Variants in BMPR1B observed in about 807,000 individuals in gnomAD.
The protein encoded by BMPR1B is bone morphogenetic protein receptor type-1B.
Under a neutral mutation model 59.1 loss-of-function variants are expected in BMPR1B, and 12 were observed. The ratio of observed to expected loss-of-function variants is 0.20; its 90% confidence interval spans 0.13 to 0.33. BMPR1B has a LOEUF of 0.33. Among genes scored for constraint, BMPR1B ranks in the 10% least tolerant of loss-of-function variants. BMPR1B has a pLI of 1.00. For synonymous variants in BMPR1B, 237 were observed against 207.3 expected (o/e 1.14, Z -1.23); for missense variants, 550 against 610.9 (o/e 0.90, Z 1.05).
intron 2 of BMPR1B, among the ~76,000 whole-genome samples, chr4:94,900,477 T>A (rs1727768843): frequency 6.6e-6 from 1 of 152,028 alleles, no homozygotes; most frequent in Non-Finnish European, 1.5e-5. Context: ...ACAAATATGA[T>A]GATGACTTCA....
chr4:95,056,853 A>G (rs1173758488), intron 3 of BMPR1B, among the ~76,000 whole-genome samples: 1 of 152,130 alleles, frequency 6.6e-6, no homozygotes, highest in Non-Finnish European at 1.5e-5. Context: ...CTTCACATAT[A>G]CTGTTTTCAC....
intron 2 of BMPR1B, among the ~76,000 whole-genome samples, chr4:94,989,400 A>G (rs1392668001): frequency 6.6e-6 from 1 of 151,710 alleles, no homozygotes; most frequent in East Asian, 1.9e-4. Context: ...AAAAAAAAAA[A>G]AAACAAAAAA....
At chr4:95,088,854 C>CT (rs1729778411) in intron 3 of BMPR1B, among the ~76,000 whole-genome samples, 4 of 151,756 alleles carry the variant, frequency 2.6e-5, no homozygotes, top group Admixed American at 2.0e-4. Context: ...AGAGTTAAAA[C>CT]TGACAAGTTT....
At position 95,072,963 on chromosome 4, in the gene BMPR1B, C is replaced by T. The variant is rs548781156; in HGVS notation, c.-17-31445C>T. ...CATCTTCTATTTTCTTCAAATTTGA[C>T]CAATATGATATAGCTCTTGCTTTTG... On this transcript the variant is annotated intron_variant, in intron 3 of 12. Transcript: ENST00000515059. 7.9e-5 allele frequency among the ~76,000 whole-genome samples: 12 copies of T among 152,102 alleles called. 1 individual carries two copies. The South Asian group carries it at 1.5e-3, about 18-fold the overall frequency.
At chr4:95,018,227 T>C (rs2149133142) in intron 3 of BMPR1B, among the ~76,000 whole-genome samples, 1 of 152,322 alleles carries the variant, frequency 6.6e-6, no homozygotes, top group African/African-American at 2.4e-5. Flanking sequence ...TACAATACTG[T>C]TCTTAAAGGA....
intron 2 of BMPR1B, among the ~76,000 whole-genome samples, chr4:94,902,046 GGTGTGTGTGT>G (rs34068392): frequency 2.5e-5 from 3 of 119,184 alleles, no homozygotes; most frequent in South Asian, 2.9e-4. Flanking sequence ...CAGACTGCAT[GGTGTGTGTGT>G]GTGTGTGTGT....
chr4:95,087,638 G>A (rs1304718649), intron 3 of BMPR1B, among the ~76,000 whole-genome samples: 2 of 152,102 alleles, frequency 1.3e-5, no homozygotes, highest in African/African-American at 2.4e-5. Context: ...AAGCTGAGGT[G>A]GGAGGATCAC....
rs1691577003 is a variant in BMPR1B at position 95,135,432 on chromosome 4, A to T, written c.1076+3920A>T. Among the ~76,000 whole-genome samples the T allele has an allele frequency of 1.3e-5, 2 of 152,096 alleles. 1 individual carries two copies. The highest frequency in any genetic ancestry group is 1.3e-4 in the Admixed American group (2 of 15,278). Reference sequence around the variant, plus strand: ...TGGTAGCTTGATGGGGATGGCATTGAATCTATAAATTACCTTGGGCAGTAT... The same window carrying T: ...TGGTAGCTTGATGGGGATGGCATTGTATCTATAAATTACCTTGGGCAGTAT... On this transcript the variant is annotated intron_variant, in intron 10 of 12. Coordinates refer to ENST00000515059, the MANE Select transcript of BMPR1B (RefSeq NM_001203.3).
chr4:94,970,305 T>C (rs1373418528), intron 2 of BMPR1B, among the ~76,000 whole-genome samples: 3 of 122,958 alleles, frequency 2.4e-5, no homozygotes, highest in Admixed American at 8.0e-5. Flanking sequence ...TCTTCTCTTC[T>C]TTCTCTCTCT....
intron 3 of BMPR1B, among the ~76,000 whole-genome samples, chr4:95,084,602 C>T (rs1729427180): frequency 6.6e-6 from 1 of 152,050 alleles, no homozygotes; most frequent in South Asian, 2.1e-4. Context: ...TGCATGATTC[C>T]TTTCTTTAGA....
chr4:95,026,980 G>A (rs140090430), intron 3 of BMPR1B, among the ~76,000 whole-genome samples: 4 of 151,932 alleles, frequency 2.6e-5, no homozygotes, highest in African/African-American at 9.7e-5. Context: ...GCCCTAGGTG[G>A]TCCCAAACTC....
chr4:95,143,452 T>C (rs1056875938), intron 10 of BMPR1B, among the ~76,000 whole-genome samples: 1 of 152,086 alleles, frequency 6.6e-6, no homozygotes, highest in East Asian at 1.9e-4. Context: ...TTCTTGTCTC[T>C]CTCTCTCTCA....
At chr4:94,797,093 G>A (rs377368904) in intron 1 of BMPR1B, among the ~76,000 whole-genome samples, 1 of 152,290 alleles carries the variant, frequency 6.6e-6, no homozygotes, top group African/African-American at 2.4e-5. Context: ...TCATGTAGAG[G>A]GTGAAGGGCA....
intron 1 of BMPR1B, among the ~76,000 whole-genome samples, chr4:94,873,558 C>T (rs927889414): frequency 7.2e-5 from 11 of 152,044 alleles, no homozygotes; most frequent in African/African-American, 1.9e-4. Context: ...AGGCGTGCGC[C>T]ACCATGCCCA....
chr4:94,932,349 A>G (rs1318826216), intron 2 of BMPR1B, among the ~76,000 whole-genome samples: 1 of 152,194 alleles, frequency 6.6e-6, no homozygotes, highest in African/African-American at 2.4e-5. Context: ...ATAGGCTGGA[A>G]TGGACTTTGC....
Position 95,120,954 on chromosome 4 carries a change from G to A in BMPR1B, c.350-2856G>A, listed in dbSNP as rs1053555275. 7.2e-5 allele frequency among the ~76,000 whole-genome samples: 11 copies of A among 152,130 alleles called. 1 individual carries two copies. The highest frequency in any genetic ancestry group is 3.4e-3 in the Middle Eastern group (1 of 294). On this transcript the variant is annotated intron_variant, in intron 6 of 12. Transcript: ENST00000515059. Reference sequence around the variant, plus strand: ...CTCCTCAGTAGCTGGGATTACAGGCGTGTGCCATCATGCCCAGCTAATTTT... The same window carrying A: ...CTCCTCAGTAGCTGGGATTACAGGCATGTGCCATCATGCCCAGCTAATTTT...
intron 1 of BMPR1B, among the ~76,000 whole-genome samples, chr4:94,777,733 A>G (rs1722431940): frequency 6.6e-6 from 1 of 152,182 alleles, no homozygotes. Context: ...TTTAAAAAAT[A>G]TAGAAGTTTT....
chr4:94,948,998 A>G (rs1470998648), intron 2 of BMPR1B, among the ~76,000 whole-genome samples: 2 of 152,150 alleles, frequency 1.3e-5, no homozygotes, highest in East Asian at 3.9e-4. Flanking sequence ...TTATACTTTA[A>G]GTTCTGGGAT....
At chr4:95,074,748 C>G (rs1000744900) in intron 3 of BMPR1B, among the ~76,000 whole-genome samples, 1 of 151,742 alleles carries the variant, frequency 6.6e-6, no homozygotes, top group Non-Finnish European at 1.5e-5. Context: ...GCTGTTTTTG[C>G]TGCTACTCTA....
Sources: allele counts gnomAD v4.1 joint callset (sites outside exome capture counted in the v4.1 genomes callset), GRCh38; gene constraint gnomAD v4.1.1; transcripts MANE v1.5; gene names NCBI Gene and HGNC (gene_info 2026-07-23, HGNC 2026-07-21).